FAM227B: variants seen among roughly 807,000 people sequenced by gnomAD.
The protein encoded by FAM227B is family with sequence similarity 227 member B.
A neutral mutation model predicts 73.8 loss-of-function variants in FAM227B; 88 were observed. The observed-to-expected ratio is 1.19, with a 90% CI of 1.00 to 1.42. The LOEUF is 1.42. FAM227B is among the 40% of genes most tolerant of loss of function. The pLI is 0.00. For synonymous variants in FAM227B, 210 were observed against 190.5 expected, an observed-to-expected ratio of 1.10 and a Z score of -0.84; for missense variants, 632 against 590.9, an observed-to-expected ratio of 1.07 and a Z score of -0.72.
intron 12 of FAM227B, among the ~76,000 whole-genome samples, chr15:49,368,124 C>A (rs1224616691): frequency 6.6e-6 from 1 of 151,800 alleles, no homozygotes; most frequent in African/African-American, 2.4e-5. Context: ...TAACTAACTT[C>A]TTATCATAAC....
chr15:49,365,492 T>C, intron 13 of FAM227B: 1 of 860,476 alleles, frequency 1.2e-6, no homozygotes. Flanking sequence ...CACACACTCA[T>C]TACTGAGAAA....
At chr15:49,613,418 T>C (rs2078081058) in intron 2 of FAM227B, among the ~76,000 whole-genome samples, 1 of 152,054 alleles carries the variant, frequency 6.6e-6, no homozygotes, top group South Asian at 2.1e-4. Context: ...AGAGAATCGC[T>C]TGAACCCCAG....
At chr15:49,526,465 A>G (rs1000522688) in intron 10 of FAM227B, among the ~76,000 whole-genome samples, 1 of 152,096 alleles carries the variant, frequency 6.6e-6, no homozygotes, top group Non-Finnish European at 1.5e-5. Context: ...CAAATTAACA[A>G]CCTAACATTT....
chr15:49,498,212 A>C (rs138604272), intron 11 of FAM227B, among the ~76,000 whole-genome samples: 2,605 of 152,332 alleles, frequency 0.017, 36 homozygotes, highest in Middle Eastern at 0.034. Flanking sequence ...TTATGAGTTC[A>C]GACTCTGTGG....
chr15:49,555,048 T>C (rs1321234060), intron 9 of FAM227B, among the ~76,000 whole-genome samples: 1 of 152,212 alleles, frequency 6.6e-6, no homozygotes, highest in Non-Finnish European at 1.5e-5. Flanking sequence ...ACTCTGTCCC[T>C]TTTAATTGAG....
intron 11 of FAM227B, chr15:49,487,255 A>G (rs2056472427): frequency 6.6e-6 from 1 of 151,868 alleles, no homozygotes; most frequent in South Asian, 2.1e-4. Flanking sequence ...AAATATACAT[A>G]TAAGCAGAGT....
intron 8 of FAM227B, among the ~76,000 whole-genome samples, chr15:49,571,618 T>C (rs986297483): frequency 6.6e-6 from 1 of 151,974 alleles, no homozygotes; most frequent in Non-Finnish European, 1.5e-5. Flanking sequence ...TTCTCTGTTA[T>C]GTGTTCTTGG....
intron 11 of FAM227B, among the ~76,000 whole-genome samples, chr15:49,500,664 G>C: frequency 6.6e-6 from 1 of 152,182 alleles, no homozygotes; most frequent in East Asian, 1.9e-4. Context: ...TTTCGGATAA[G>C]AGATTGACAA....
At position 49,493,872 on chromosome 15, in the gene FAM227B, G is replaced by GTGTA. The variant is rs1555506654; in HGVS notation, c.1012+14338_1012+14339insTACA. 1.8e-3 allele frequency among the ~76,000 whole-genome samples: 262 copies of GTGTA among 148,126 alleles called. 3 individuals are homozygous for GTGTA. In the East Asian group the frequency reaches 0.033, roughly 19 times the overall value. Reference sequence around the variant, plus strand: ...AAGGGGTCTGTGTATGTATGTATGTGTATATATATATATATATGTGTGTGT... The same window carrying GTGTA: ...AAGGGGTCTGTGTATGTATGTATGTGTGTATATATATATATATATATGTGTGTGT... On this transcript the variant is annotated intron_variant, in intron 11 of 15. Coordinates refer to ENST00000299338, the MANE Select transcript of FAM227B (RefSeq NM_152647.3).
intron 9 of FAM227B, among the ~76,000 whole-genome samples, chr15:49,551,393 T>G (rs534893132): frequency 6.6e-6 from 1 of 152,366 alleles, no homozygotes; most frequent in South Asian, 2.1e-4. Context: ...TGTATTTAAG[T>G]CTATTTTGTC....
chr15:49,441,138 A>C (rs1488672221), intron 11 of FAM227B, among the ~76,000 whole-genome samples: 1 of 151,784 alleles, frequency 6.6e-6, no homozygotes, highest in Non-Finnish European at 1.5e-5. Flanking sequence ...CACAGAGAAC[A>C]TGAGATTACC....
intron 11 of FAM227B, among the ~76,000 whole-genome samples, chr15:49,417,195 CA>C (rs1293488780): frequency 1.3e-5 from 2 of 152,008 alleles, no homozygotes; most frequent in Non-Finnish European, 2.9e-5. Flanking sequence ...AGTTTGAGAC[CA>C]GCCTGGGCAA....
chr15:49,533,277 T>C (rs1000592254), intron 10 of FAM227B, among the ~76,000 whole-genome samples: 1 of 152,028 alleles, frequency 6.6e-6, no homozygotes, highest in African/African-American at 2.4e-5. Context: ...GGTTAAGACT[T>C]GTTTTGTGGC....
At chr15:49,446,428 G>A (rs1007282859) in intron 11 of FAM227B, among the ~76,000 whole-genome samples, 1 of 151,566 alleles carries the variant, frequency 6.6e-6, no homozygotes, top group Admixed American at 6.6e-5. Flanking sequence ...GGTAAGTTAC[G>A]ATAGTTGCTA....
chr15:49,520,043 C>G (rs1031966615), intron 10 of FAM227B, among the ~76,000 whole-genome samples: 1 of 152,270 alleles, frequency 6.6e-6, no homozygotes, highest in East Asian at 1.9e-4. Flanking sequence ...ATTTCTTCTG[C>G]TAGATACTCT....
rs1185225988 is a variant in FAM227B, at chr15:49,605,224, ACTTC to A, written c.105+5987_105+5990del. Reference sequence around the variant, plus strand: ...GCAGGCCAGCTGGTGGGGTCCATGGACTTCCTGTTGGAATTGTCAGGTAAGCTGA... The same window carrying A: ...GCAGGCCAGCTGGTGGGGTCCATGGACTGTTGGAATTGTCAGGTAAGCTGA... On this transcript the variant is annotated intron_variant, in intron 3 of 15. Coordinates refer to ENST00000299338, the MANE Select transcript of FAM227B (RefSeq NM_152647.3). Among the ~76,000 whole-genome samples the A allele has an allele frequency of 5.9e-5, 9 of 152,172 alleles. 1 individual carries two copies. The highest frequency in any genetic ancestry group is 1.3e-4 in the Non-Finnish European group (9 of 68,020).
chr15:49,568,349 TA>T lies in FAM227B; in HGVS notation c.646-4del, dbSNP rs35392010. 0.12 allele frequency: 185,678 copies of T among 1,596,790 alleles called. 12,915 individuals carry two copies. The highest frequency in any genetic ancestry group is 0.34 in the East Asian group (15,006 of 44,610). ...CAATCTTGGTTTTCTCTGTCAGGCT[TA>T]AAAAAATGTGTGAAATTAAAGTCAA... On this transcript the variant is annotated splice_polypyrimidine_tract_variant and splice_region_variant and intron_variant, in intron 8 of 15. Transcript: ENST00000299338.
At chr15:49,594,045 C>G (rs994807592) in intron 3 of FAM227B, among the ~76,000 whole-genome samples, 3 of 152,082 alleles carry the variant, frequency 2.0e-5, no homozygotes, top group Non-Finnish European at 2.9e-5. Context: ...ACATTCACAC[C>G]AACAGAGTAA....
intron 5 of FAM227B, among the ~76,000 whole-genome samples, chr15:49,587,677 T>A (rs1382607578): frequency 6.6e-6 from 1 of 152,006 alleles, no homozygotes; most frequent in Non-Finnish European, 1.5e-5. Context: ...AAAGTAAAGG[T>A]CATCAAAAAG....
Sources: gnomAD v4.1 joint callset for allele counts (sites outside exome capture counted in the v4.1 genomes callset) on GRCh38, gnomAD v4.1.1 for gene constraint, MANE v1.5 for transcripts, NCBI Gene and HGNC (gene_info 2026-07-23, HGNC 2026-07-21) for gene names.